Variants in MOXD1 observed in about 807,000 individuals in gnomAD.
The protein encoded by MOXD1 is DBH-like monooxygenase protein 1.
MOXD1 carries 62 observed loss-of-function variants against 66.6 expected under a neutral mutation model. That is an observed-to-expected ratio of 0.93 (90% CI 0.76 to 1.15). The LOEUF (loss-of-function observed/expected upper bound fraction) is 1.15, where lower values mean the gene tolerates loss of function less well. Among genes scored for constraint, MOXD1 ranks in the 50% most tolerant of loss-of-function variants. MOXD1 has a pLI of 0.00. For synonymous variants in MOXD1, 303 were observed against 281.9 expected (o/e 1.07, Z -0.75); for missense variants, 847 against 754.6 (o/e 1.12, Z -1.44).
intron 4 of MOXD1, among the ~76,000 whole-genome samples, chr6:132,341,539 G>T (rs1775563845): frequency 6.6e-6 from 1 of 152,082 alleles, no homozygotes; most frequent in Admixed American, 6.5e-5. Flanking sequence ...CATATTCAAT[G>T]GCTCCACACT....
At chr6:132,372,476 A>G in intron 4 of MOXD1, 132 bp downstream of exon 4, 1 of 790,804 alleles carries the variant, frequency 1.3e-6, no homozygotes, top group Non-Finnish European at 2.0e-6. Context: ...CAGCCAAGCC[A>G]GTTCTTTTTT....
rs1448661419 is a variant in MOXD1, at chr6:132,296,161, A to G, written c.*992T>C. The G allele has an allele frequency of 2.0e-5, 3 of 152,314 alleles. No homozygotes were observed. In the East Asian group the frequency reaches 5.8e-4, roughly 29 times the overall value. 9.4% of individuals were successfully genotyped at this position (152,314 alleles called of 1,614,324 possible). On this transcript the variant is annotated 3_prime_UTR_variant, in exon 12 of 12. Transcript: ENST00000367963. ...TGAGCTATATAAAGAAAACCAAAAG[A>G]GTGACAAGATTTTCAATTGGTGACA...
At chr6:132,328,703 T>C (rs1775247369) in intron 4 of MOXD1, 109 bp from the exon 5 acceptor site, 1 of 1,018,842 alleles carries the variant, frequency 9.8e-7, no homozygotes. Flanking sequence ...CAAAGGGATA[T>C]TCTTCTCAAT....
chr6:132,340,728 G>T (rs1308713389), intron 4 of MOXD1, among the ~76,000 whole-genome samples: 1 of 137,758 alleles, frequency 7.3e-6, no homozygotes, highest in Admixed American at 8.4e-5. Context: ...CTCACTGCAA[G>T]CTCCGCCTCC....
intron 4 of MOXD1, among the ~76,000 whole-genome samples, chr6:132,366,827 G>A (rs1055141227): frequency 6.6e-6 from 1 of 152,038 alleles, no homozygotes; most frequent in African/African-American, 2.4e-5. Context: ...TTCATGTTAG[G>A]TGCCTACTAT....
rs774041890 is a variant in MOXD1 at position 132,315,657 on chromosome 6, T to C, written c.1486A>G (p.Lys496Glu). ...TACGTGACTGGTCTGTAGATCTCCT[T>C]AACCCCAATGAACTGAAGTTGTTCC... Reference protein sequence around the residue: ...IMEQLQFIGVKEIYRPVTTWP... With the variant: ...IMEQLQFIGVEEIYRPVTTWP... The change falls in exon 10 of 12, where the codon AAG becomes GAG. Residue 496 changes from lysine to glutamate, a missense_variant. Physicochemically the swap from Lys to Glu is moderately conservative, Grantham distance 56 (BLOSUM62 1). Coordinates refer to ENST00000367963, the MANE Select transcript of MOXD1 (RefSeq NM_015529.4). 15 of 1,613,188 alleles carry C rather than the reference T, an allele frequency of 9.3e-6. No individual in the cohort carries two copies. In the East Asian group the frequency reaches 2.0e-4, roughly 22 times the overall value.
chr6:132,332,042 G>C (rs1047067372), intron 4 of MOXD1, among the ~76,000 whole-genome samples: 2 of 152,194 alleles, frequency 1.3e-5, no homozygotes, highest in Admixed American at 1.3e-4. Context: ...TGGGGAGGGG[G>C]CTCATGGCCT....
At position 132,395,948 on chromosome 6, in the gene MOXD1, C is replaced by T. The variant is rs941082121; in HGVS notation, c.264+5215G>A. ...ATAGACTCCAACACAGTAATAGGAA[C>T]GTTAATAGCCCACTCTCAGCATTAG... On this transcript the variant is annotated intron_variant, in intron 1 of 11. Coordinates refer to ENST00000367963, the MANE Select transcript of MOXD1 (RefSeq NM_015529.4). 3.3e-5 allele frequency among the ~76,000 whole-genome samples: 5 copies of T among 152,064 alleles called. No individual in the cohort carries two copies. In the East Asian group the frequency reaches 5.8e-4, roughly 18 times the overall value.
In MOXD1 at chr6:132,334,650, T is replaced by C. The variant is rs535776557; in HGVS notation, c.664-6056A>G. On this transcript the variant is annotated intron_variant, in intron 4 of 11. Transcript: ENST00000367963. ...TCCCTGAAGTGGCTATCCTAAAACC[T>C]TTCCCAATTTATGCACACCTCCTAA... is the stretch of plus-strand genomic sequence containing the variant. Among the ~76,000 whole-genome samples, 7 of 152,348 alleles carry C rather than the reference T, an allele frequency of 4.6e-5. No homozygotes were observed. The East Asian group carries it at 1.3e-3, about 29-fold the overall frequency.
chr6:132,363,215 T>G (rs1047455325), intron 4 of MOXD1, among the ~76,000 whole-genome samples: 1 of 65,358 alleles, frequency 1.5e-5, no homozygotes, highest in Non-Finnish European at 3.2e-5. Flanking sequence ...CTTACCACAA[T>G]AAAAAACAAA....
chr6:132,307,136 G>C (rs1774711242), intron 10 of MOXD1, among the ~76,000 whole-genome samples: 1 of 152,094 alleles, frequency 6.6e-6, no homozygotes, highest in South Asian at 2.1e-4. Context: ...CTCACGTGCA[G>C]AGACACACAT....
At chr6:132,373,612 A>G (rs6569792) in intron 2 of MOXD1, among the ~76,000 whole-genome samples, 71,461 of 151,980 alleles carry the variant, frequency 0.47, 21,159 homozygotes, top group African/African-American at 0.82. Context: ...CTGGTTTACC[A>G]CAACTATGGA....
chr6:132,348,625 CAT>C (rs1267782406), intron 4 of MOXD1, among the ~76,000 whole-genome samples: 3 of 152,046 alleles, frequency 2.0e-5, no homozygotes, highest in South Asian at 4.1e-4. Context: ...ATGAAGAAAA[CAT>C]ATAAAAAACA....
chr6:132,389,926 A>T (rs887336935), intron 1 of MOXD1, among the ~76,000 whole-genome samples: 3 of 151,650 alleles, frequency 2.0e-5, no homozygotes, highest in African/African-American at 7.2e-5. Context: ...TTAGTTTAAA[A>T]ATTGCATGAA....
chr6:132,320,175 T>C (rs1159246558), intron 9 of MOXD1, among the ~76,000 whole-genome samples: 4 of 152,166 alleles, frequency 2.6e-5, no homozygotes, highest in South Asian at 4.1e-4. Context: ...GAGTAAGACA[T>C]GAATTATCTA....
chr6:132,328,391 C>T (rs1775234900), intron 5 of MOXD1, 24 bp downstream of exon 5: 5 of 1,610,838 alleles, frequency 3.1e-6, no homozygotes, highest in Non-Finnish European at 4.2e-6. Flanking sequence ...AATTGTGTTA[C>T]ATCTCAGTAA....
chr6:132,359,922 A>C (rs984256110), intron 4 of MOXD1, among the ~76,000 whole-genome samples: 1 of 152,214 alleles, frequency 6.6e-6, no homozygotes, highest in African/African-American at 2.4e-5. Context: ...GGACTTTGGT[A>C]TGGTTAAGGT....
chr6:132,363,434 G>T (rs751492725), intron 4 of MOXD1, among the ~76,000 whole-genome samples: 12 of 152,022 alleles, frequency 7.9e-5, no homozygotes, highest in African/African-American at 2.4e-4. Context: ...TTTACTTAAA[G>T]AACTCATGGC....
At chr6:132,306,442 G>A (rs1052852368) in intron 10 of MOXD1, among the ~76,000 whole-genome samples, 12 of 152,138 alleles carry the variant, frequency 7.9e-5, no homozygotes, top group East Asian at 7.7e-4. Context: ...AACATGCTTC[G>A]GGATATTATC....
Sources: gnomAD v4.1 joint callset for allele counts (sites outside exome capture counted in the v4.1 genomes callset) on GRCh38, gnomAD v4.1.1 for gene constraint, MANE v1.5 for transcripts, NCBI Gene and HGNC (gene_info 2026-07-23, HGNC 2026-07-21) for gene names.